The following GABRG3 variants were observed in gnomAD, a reference collection of about 807,000 sequenced individuals.
GABRG3 encodes the protein gamma-aminobutyric acid receptor subunit gamma-3.
A neutral mutation model predicts 48.8 loss-of-function variants in GABRG3; 25 were observed. That is an observed-to-expected ratio of 0.51 (90% confidence interval 0.37 to 0.72). The LOEUF (loss-of-function observed/expected upper bound fraction) is 0.72. Ranked by LOEUF, GABRG3 falls within the 30% of genes least tolerant of loss-of-function variation. The pLI is 0.00. For synonymous variants in GABRG3, 227 were observed against 217.6 expected (o/e 1.04, Z -0.38); for missense variants, 394 against 577.9 (o/e 0.68, Z 3.26).
chr15:27,436,885 A>T (rs1019557730), intron 5 of GABRG3, among the ~76,000 whole-genome samples: 17 of 152,102 alleles, frequency 1.1e-4, no homozygotes, highest in Admixed American at 7.9e-4. Context: ...GGTCCCAGCT[A>T]CACAGAAGGC....
chr15:27,492,606 ATC>A, intron 6 of GABRG3, among the ~76,000 whole-genome samples: 1 of 152,358 alleles, frequency 6.6e-6, no homozygotes, highest in Admixed American at 6.5e-5. Flanking sequence ...CAGGGAATCA[ATC>A]TTCAAAATAA....
chr15:27,101,672 A>G (rs1052487256), intron 3 of GABRG3, among the ~76,000 whole-genome samples: 8 of 152,098 alleles, frequency 5.3e-5, no homozygotes, highest in Admixed American at 5.2e-4. Flanking sequence ...GAGCAATTCA[A>G]TGGAGGAAGA....
chr15:27,361,565 C>G (rs1164746515), intron 5 of GABRG3, among the ~76,000 whole-genome samples: 2 of 152,176 alleles, frequency 1.3e-5, no homozygotes, highest in Non-Finnish European at 2.9e-5. Flanking sequence ...CTTTCATCCC[C>G]CTTGAGCTCC....
At chr15:27,444,823 T>C (rs1801415112) in intron 5 of GABRG3, among the ~76,000 whole-genome samples, 1 of 152,186 alleles carries the variant, frequency 6.6e-6, no homozygotes, top group Non-Finnish European at 1.5e-5. Flanking sequence ...CATCAATTGA[T>C]GCACATTTCC....
At position 27,180,641 on chromosome 15, in the gene GABRG3, GTC is replaced by G. The variant is rs1887900242; in HGVS notation, c.271-146166_271-146165del. 6.6e-6 allele frequency among the ~76,000 whole-genome samples: 1 copy of G among 152,118 alleles called. No homozygotes were observed. The highest frequency in any genetic ancestry group is 2.4e-5 in the African/African-American group (1 of 41,414). On this transcript the variant is annotated intron_variant, in intron 3 of 9. Transcript: ENST00000615808. The surrounding 1 kb of genome is among the most constrained non-coding windows in gnomAD (Gnocchi z 4.2). ...AACTTACACATTGTGCCATGTGTGT[GTC>G]TGTCTGTGTGTGTTTGTGTGTGCAC...
chr15:27,229,558 C>G (rs1324190014), intron 3 of GABRG3, among the ~76,000 whole-genome samples: 1 of 151,988 alleles, frequency 6.6e-6, no homozygotes, highest in East Asian at 1.9e-4. Flanking sequence ...CTCACTGCAA[C>G]TTCTACCTCC....
At chr15:27,197,701 A>G (rs184275701) in intron 3 of GABRG3, among the ~76,000 whole-genome samples, 17 of 152,152 alleles carry the variant, frequency 1.1e-4, no homozygotes, top group Admixed American at 1.1e-3. Context: ...TCCTGCTTGT[A>G]CCTCTGGTAG....
At chr15:27,299,954 T>A (rs1486359397) in intron 3 of GABRG3, among the ~76,000 whole-genome samples, 1 of 152,206 alleles carries the variant, frequency 6.6e-6, no homozygotes, top group East Asian at 1.9e-4. Context: ...AGGTTTGTCT[T>A]GGCTTGTGTA....
intron 2 of GABRG3, among the ~76,000 whole-genome samples, chr15:27,005,609 G>A (rs1443343768): frequency 6.6e-6 from 1 of 152,104 alleles, no homozygotes; most frequent in Admixed American, 6.6e-5. Context: ...TTGCTGCAAA[G>A]GACAGAATTT....
intron 5 of GABRG3, among the ~76,000 whole-genome samples, chr15:27,386,818 A>G (rs912179433): frequency 1.4e-4 from 21 of 152,194 alleles, no homozygotes; most frequent in Admixed American, 1.2e-3. Context: ...TTTAATTATA[A>G]CTGAGAGAGG....
Position 27,540,335 on chromosome 15 carries a change from G to A in GABRG3, c.*7454G>A, listed in dbSNP as rs915908069. 3 of 151,656 alleles carry A rather than the reference G, an allele frequency of 2.0e-5. No homozygotes were observed. The highest frequency in any genetic ancestry group is 7.3e-5 in the African/African-American group (3 of 41,240). The allele number at this position is 151,656 out of a possible 1,614,324, so 9.4% of individuals were successfully genotyped here. On this transcript the variant is annotated 3_prime_UTR_variant, in exon 10 of 10. Coordinates refer to ENST00000615808, the MANE Select transcript of GABRG3 (RefSeq NM_033223.5). ...TTTTCGTAAAGATAACGTTTGAATT[G>A]TCTAACAACTATCTTTTTTCACTAA...
chr15:27,311,604 C>T (rs527243471), intron 3 of GABRG3, among the ~76,000 whole-genome samples: 39 of 152,014 alleles, frequency 2.6e-4, no homozygotes, highest in African/African-American at 8.0e-4. Context: ...AACACACACA[C>T]ACAAAACCCA....
chr15:27,415,272 A>G (rs1343601933), intron 5 of GABRG3, among the ~76,000 whole-genome samples: 2 of 151,440 alleles, frequency 1.3e-5, no homozygotes, highest in African/African-American at 2.4e-5. Context: ...GTCTATTTCT[A>G]TCTCCTCAAG....
At chr15:27,171,961 G>A (rs530221778) in intron 3 of GABRG3, among the ~76,000 whole-genome samples, 2 of 152,242 alleles carry the variant, frequency 1.3e-5, no homozygotes, top group East Asian at 1.9e-4. Context: ...GAGTCCTCCC[G>A]AGGTGGAAGG....
At chr15:27,327,617 A>G (rs28542514) in intron 4 of GABRG3, among the ~76,000 whole-genome samples, 15,329 of 152,186 alleles carry the variant, frequency 0.1, 1,901 homozygotes, top group African/African-American at 0.29. Flanking sequence ...AGCACTAGCA[A>G]TGACGGGCCC....
chr15:27,007,753 G>T (rs962170657), intron 2 of GABRG3, among the ~76,000 whole-genome samples: 9 of 152,096 alleles, frequency 5.9e-5, no homozygotes, highest in South Asian at 2.1e-4. Context: ...TATTGATGGG[G>T]TTTTTTGTTT....
intron 5 of GABRG3, among the ~76,000 whole-genome samples, chr15:27,388,284 G>A (rs181098303): frequency 0.012 from 620 of 49,994 alleles, 67 homozygotes; most frequent in East Asian, 0.037. Flanking sequence ...GGTAAGGAAG[G>A]AAGGAAGAAA....
intron 3 of GABRG3, among the ~76,000 whole-genome samples, chr15:27,104,245 C>T (rs181140907): frequency 4.9e-4 from 75 of 152,334 alleles, no homozygotes; most frequent in African/African-American, 1.8e-3. Flanking sequence ...TTCTATATCA[C>T]GTTTTCTCAT....
intron 5 of GABRG3, among the ~76,000 whole-genome samples, chr15:27,377,293 C>T (rs537034650): frequency 1.4e-4 from 21 of 152,214 alleles, no homozygotes; most frequent in Non-Finnish European, 3.1e-4. Context: ...TCTGAGCCCT[C>T]CAAACTGTTA....
Sources: gnomAD v4.1 joint callset for allele counts (sites outside exome capture counted in the v4.1 genomes callset) on GRCh38, gnomAD v4.1.1 for gene constraint, Gnocchi (gnomAD v3.1) non-coding constraint, MANE v1.5 for transcripts, NCBI Gene and HGNC (gene_info 2026-07-23, HGNC 2026-07-21) for gene names.